Variants in LRRIQ3 observed in about 807,000 individuals in gnomAD.
LRRIQ3 encodes leucine-rich repeat and IQ domain-containing protein 3.
In LRRIQ3, 75 loss-of-function variants were observed where a neutral mutation model predicts 59.3. That is an observed-to-expected ratio of 1.26 (90% confidence interval 1.05 to 1.53). LRRIQ3 has a LOEUF of 1.53. Ranked by LOEUF, LRRIQ3 falls within the 40% of genes most tolerant of loss-of-function variation. The probability of loss-of-function intolerance (pLI) is 0.00; values close to 1 mark genes in which losing one functional copy is unlikely to be tolerated. For synonymous variants in LRRIQ3, 250 were observed against 231.3 expected, an observed-to-expected ratio of 1.08 and a Z score of -0.73; for missense variants, 831 against 710.0, an observed-to-expected ratio of 1.17 and a Z score of -1.94.
chr1:74,171,576 A>G lies in LRRIQ3; in HGVS notation c.573+10962T>C, dbSNP rs144789932. Reference sequence around the variant, plus strand: ...TACCTTGGTGAAAATTGCTGTATCCATGTTCATCACAGATATTGACCTGTA... The same window carrying G: ...TACCTTGGTGAAAATTGCTGTATCCGTGTTCATCACAGATATTGACCTGTA... On this transcript the variant is annotated intron_variant, in intron 3 of 7. Coordinates refer to ENST00000354431, the MANE Select transcript of LRRIQ3 (RefSeq NM_001105659.2). Among the ~76,000 whole-genome samples, 416 of 152,294 alleles carry G rather than the reference A, an allele frequency of 2.7e-3. 1 individual carries two copies. Among genetic ancestry groups the G allele is most frequent in the African/African-American group, 9.4e-3 (392 of 41,560 alleles).
chr1:74,153,148 T>C (rs1246464912), intron 4 of LRRIQ3, among the ~76,000 whole-genome samples: 4 of 152,134 alleles, frequency 2.6e-5, no homozygotes, highest in African/African-American at 7.2e-5. Flanking sequence ...CTCCCCATGA[T>C]CTCAGTATAG....
intron 6 of LRRIQ3, among the ~76,000 whole-genome samples, chr1:74,062,319 A>C (rs544769547): frequency 1.3e-5 from 2 of 152,228 alleles, no homozygotes; most frequent in South Asian, 4.1e-4. Context: ...AATATCACTA[A>C]TCATTAGAGT....
intron 1 of LRRIQ3, among the ~76,000 whole-genome samples, chr1:74,195,002 G>GA (rs1300124990): frequency 4.6e-5 from 7 of 151,870 alleles, no homozygotes; most frequent in Admixed American, 2.6e-4. Context: ...ACTCCATTTG[G>GA]AAAAAAAATC....
At chr1:74,080,170 A>C (rs951627384) in intron 5 of LRRIQ3, among the ~76,000 whole-genome samples, 40 of 151,688 alleles carry the variant, frequency 2.6e-4, no homozygotes, top group Middle Eastern at 3.4e-3. Flanking sequence ...ATCACACACA[A>C]AAAAAACCAA....
chr1:74,032,490 T>G (rs1311127160), intron 7 of LRRIQ3, among the ~76,000 whole-genome samples: 1 of 151,806 alleles, frequency 6.6e-6, no homozygotes, highest in African/African-American at 2.4e-5. Context: ...AGATCAGTGG[T>G]TGTTGTCAGA....
intron 4 of LRRIQ3, among the ~76,000 whole-genome samples, chr1:74,123,908 C>A (rs1646897974): frequency 6.6e-6 from 1 of 151,854 alleles, no homozygotes; most frequent in African/African-American, 2.4e-5. Flanking sequence ...TTGTCCTAAT[C>A]TACATTCCTA....
chr1:74,125,722 C>T (rs1231377865), intron 4 of LRRIQ3, among the ~76,000 whole-genome samples: 2 of 151,676 alleles, frequency 1.3e-5, no homozygotes, highest in Non-Finnish European at 3.0e-5. Context: ...GTGATGAATG[C>T]TCTTTTTAAT....
Position 74,077,119 on chromosome 1 carries a change from T to C in LRRIQ3, c.868-2329A>G, listed in dbSNP as rs182636096. Among the ~76,000 whole-genome samples, 3 of 152,218 alleles carry C rather than the reference T, an allele frequency of 2.0e-5. No individual in the cohort carries two copies. The East Asian group carries it at 5.8e-4, about 29-fold the overall frequency. ...TATGACAAAATACAATGTGTGGCAC[T>C]ATTTTGCAATTCCAGTCTGTAACAA... On this transcript the variant is annotated intron_variant, in intron 5 of 7. Transcript: ENST00000354431.
At chr1:74,097,704 C>A (rs1286631279) in intron 5 of LRRIQ3, among the ~76,000 whole-genome samples, 2 of 152,282 alleles carry the variant, frequency 1.3e-5, no homozygotes, top group African/African-American at 4.8e-5. Context: ...AACAGTGGAT[C>A]TCTCAGAAGA....
chr1:74,101,758 A>G (rs549339238), intron 5 of LRRIQ3, among the ~76,000 whole-genome samples: 121 of 152,268 alleles, frequency 7.9e-4, no homozygotes, highest in African/African-American at 2.8e-3. Context: ...TGTCCTTTGG[A>G]GGGACATGGA....
intron 7 of LRRIQ3, among the ~76,000 whole-genome samples, chr1:74,038,846 G>T (rs1349233060): frequency 1.3e-5 from 2 of 152,122 alleles, no homozygotes; most frequent in Non-Finnish European, 1.5e-5. Context: ...ATCAAAACTA[G>T]ACATATTCAT....
At chr1:74,111,225 A>C (rs1457864189) in intron 4 of LRRIQ3, among the ~76,000 whole-genome samples, 2 of 152,096 alleles carry the variant, frequency 1.3e-5, no homozygotes, top group African/African-American at 4.8e-5. Flanking sequence ...AGTTTCTACC[A>C]TGATGAAGCT....
chr1:74,045,472 G>A (rs1437777371), intron 6 of LRRIQ3, among the ~76,000 whole-genome samples: 1 of 152,044 alleles, frequency 6.6e-6, no homozygotes, highest in Non-Finnish European at 1.5e-5. Context: ...AAAATAATAA[G>A]AGCTATTTAT....
chr1:74,165,680 C>T (rs1648937178), intron 3 of LRRIQ3, among the ~76,000 whole-genome samples: 1 of 151,526 alleles, frequency 6.6e-6, no homozygotes, highest in Non-Finnish European at 1.5e-5. Context: ...GAAAAGTGTT[C>T]TTTCACCATT....
At chr1:74,182,479 A>T in intron 3 of LRRIQ3, 59 bp downstream of exon 3, 1 of 1,086,540 alleles carries the variant, frequency 9.2e-7, no homozygotes, top group Non-Finnish European at 1.2e-6. Context: ...TAGAACTCAG[A>T]AGCTAAAATT....
At chr1:74,099,344 A>G (rs1646496880) in intron 5 of LRRIQ3, among the ~76,000 whole-genome samples, 1 of 152,180 alleles carries the variant, frequency 6.6e-6, no homozygotes, top group African/African-American at 2.4e-5. Flanking sequence ...CACCCTCCCA[A>G]GACTAAACCA....
intron 5 of LRRIQ3, among the ~76,000 whole-genome samples, chr1:74,104,047 T>C (rs181811713): frequency 1.2e-4 from 18 of 152,050 alleles, no homozygotes; most frequent in Non-Finnish European, 8.8e-5. Context: ...ATCTCATCTT[T>C]CTAATAGTAA....
At chr1:74,156,354 C>T (rs1374213650) in intron 3 of LRRIQ3, among the ~76,000 whole-genome samples, 2 of 152,056 alleles carry the variant, frequency 1.3e-5, no homozygotes, top group East Asian at 3.9e-4. Flanking sequence ...AACCTCTTTT[C>T]TTTATAAATT....
At chr1:74,184,403 G>A (rs1429450213) in intron 1 of LRRIQ3, among the ~76,000 whole-genome samples, 1 of 152,096 alleles carries the variant, frequency 6.6e-6, no homozygotes, top group Admixed American at 6.5e-5. Context: ...ATAAAAGGTA[G>A]TCAGTGATAG....
Sources: gnomAD v4.1 joint callset for allele counts (sites outside exome capture counted in the v4.1 genomes callset) on GRCh38, gnomAD v4.1.1 for gene constraint, MANE v1.5 for transcripts, NCBI Gene and HGNC (gene_info 2026-07-23, HGNC 2026-07-21) for gene names.